Variants in LSAMP observed in about 807,000 individuals in gnomAD.
LSAMP encodes the protein limbic system associated membrane protein, also known as limbic system-associated membrane protein.
In LSAMP, 7 loss-of-function variants were observed where a neutral mutation model predicts 38.6. That is an observed-to-expected ratio of 0.18 (90% CI 0.10 to 0.34). LSAMP has a LOEUF of 0.34. Among genes scored for constraint, LSAMP ranks in the 10% least tolerant of loss-of-function variants. LSAMP has a pLI of 1.00. For synonymous variants in LSAMP, 154 were observed against 166.8 expected (o/e 0.92, Z 0.59); for missense variants, 313 against 420.0 (o/e 0.75, Z 2.23).
At chr3:116,240,812 T>C (rs1339084547) in intron 1 of LSAMP, among the ~76,000 whole-genome samples, 1 of 152,210 alleles carries the variant, frequency 6.6e-6, no homozygotes, top group Admixed American at 6.5e-5. Context: ...AAACAAATAA[T>C]AGCATTAAAT....
intron 1 of LSAMP, among the ~76,000 whole-genome samples, chr3:116,394,783 T>C (rs1454351574): frequency 1.3e-5 from 2 of 152,226 alleles, no homozygotes; most frequent in Admixed American, 1.3e-4. Context: ...TCCACATCTA[T>C]TGGTAGAAGA....
chr3:116,356,268 T>A (rs2048222447), intron 1 of LSAMP, among the ~76,000 whole-genome samples: 1 of 152,206 alleles, frequency 6.6e-6, no homozygotes, highest in African/African-American at 2.4e-5. Context: ...AAATCCTGTC[T>A]CTGTAACAAC....
rs1933647665 is a variant in LSAMP, at chr3:115,807,112, T to C, written c.*3205A>G. 1 of 152,180 alleles carries C rather than the reference T, an allele frequency of 6.6e-6. No individual in the cohort carries two copies. Among genetic ancestry groups the C allele is most frequent in the South Asian group, 2.1e-4 (1 of 4,824 alleles). The allele number at this position is 152,180 out of a possible 1,614,324, so 9.4% of individuals were successfully genotyped here. A position where few individuals can be genotyped will look rare whatever the true frequency, so the allele number is the denominator to read the frequency against. ...TTCAGTGCGGGGTTTCAAACTTTGA[T>C]TACCAAGGGACAAGATTCTTGAAGG... On this transcript the variant is annotated 3_prime_UTR_variant, in exon 7 of 7. Coordinates refer to ENST00000490035, the MANE Select transcript of LSAMP (RefSeq NM_002338.5).
intron 1 of LSAMP, among the ~76,000 whole-genome samples, chr3:116,335,257 A>G (rs1440154538): frequency 6.6e-6 from 1 of 152,090 alleles, no homozygotes; most frequent in Non-Finnish European, 1.5e-5. Context: ...ATGGATTGAA[A>G]GATTTAATAT....
At chr3:116,437,824 T>C (rs566533906) in intron 1 of LSAMP, among the ~76,000 whole-genome samples, 71 of 152,266 alleles carry the variant, frequency 4.7e-4, no homozygotes, top group African/African-American at 1.7e-3. Context: ...TTAAAATACA[T>C]GAGTTCTAAT....
chr3:116,333,779 T>G (rs1677556274), intron 1 of LSAMP, among the ~76,000 whole-genome samples: 1 of 151,900 alleles, frequency 6.6e-6, no homozygotes. Context: ...TGAGAAAATT[T>G]ATGCTACGAA....
intron 1 of LSAMP, among the ~76,000 whole-genome samples, chr3:116,375,382 A>C (rs960096701): frequency 4.6e-5 from 7 of 152,026 alleles, no homozygotes; most frequent in African/African-American, 1.7e-4. Context: ...TAGAAAATGT[A>C]TTACTAGTCA....
chr3:115,877,632 A>T (rs1936216688), intron 3 of LSAMP, among the ~76,000 whole-genome samples: 1 of 152,170 alleles, frequency 6.6e-6, no homozygotes, highest in African/African-American at 2.4e-5. Context: ...CTAGAAGCAG[A>T]GGAAAGTTTC....
rs141826125 is a variant in LSAMP at position 116,400,766 on chromosome 3, C to A, written c.155+44111G>T. Among the ~76,000 whole-genome samples the A allele has an allele frequency of 3.9e-5, 6 of 152,252 alleles. No homozygotes were observed. In the East Asian group the frequency reaches 1.2e-3, roughly 29 times the overall value. ...GTGCTGGGATTACAGCGTGAGCCAC[C>A]ACTCCCGGCCTGATCTTGTTTCTTT... On this transcript the variant is annotated intron_variant, in intron 1 of 6. Coordinates refer to ENST00000490035, the MANE Select transcript of LSAMP (RefSeq NM_002338.5).
intron 2 of LSAMP, among the ~76,000 whole-genome samples, chr3:116,021,631 A>G (rs1940640613): frequency 6.6e-6 from 1 of 152,194 alleles, no homozygotes; most frequent in African/African-American, 2.4e-5. Flanking sequence ...TTGTAGTTAC[A>G]TGTGAATTGC....
intron 1 of LSAMP, among the ~76,000 whole-genome samples, chr3:116,253,496 G>A (rs575919155): frequency 1.3e-5 from 2 of 152,176 alleles, no homozygotes; most frequent in South Asian, 4.1e-4. Context: ...CTTTGCAGAT[G>A]GTAATTCACA....
chr3:116,388,072 C>T (rs987451142), intron 1 of LSAMP, among the ~76,000 whole-genome samples: 1 of 151,932 alleles, frequency 6.6e-6, no homozygotes, highest in Non-Finnish European at 1.5e-5. Context: ...TAAGAATATA[C>T]CCACATTTGA....
At chr3:116,311,595 TAG>T (rs950061282) in intron 1 of LSAMP, among the ~76,000 whole-genome samples, 1 of 152,194 alleles carries the variant, frequency 6.6e-6, no homozygotes, top group African/African-American at 2.4e-5. Context: ...AGGTGACCTG[TAG>T]AAAGGTTTAG....
chr3:116,076,190 G>T (rs1707738183), intron 2 of LSAMP, among the ~76,000 whole-genome samples: 1 of 152,016 alleles, frequency 6.6e-6, no homozygotes, highest in African/African-American at 2.4e-5. Context: ...TGACTTGATG[G>T]TTTTTAAATA....
intron 1 of LSAMP, among the ~76,000 whole-genome samples, chr3:116,214,499 CTTTTTTTT>C (rs59630662): frequency 9.7e-6 from 1 of 103,284 alleles, no homozygotes; most frequent in Non-Finnish European, 1.9e-5. Context: ...AAAAATGGGT[CTTTTTTTT>C]TTTTTTTTTT....
At chr3:116,046,558 G>A (rs1941292643) in intron 2 of LSAMP, among the ~76,000 whole-genome samples, 2 of 152,170 alleles carry the variant, frequency 1.3e-5, no homozygotes, top group Admixed American at 6.5e-5. Context: ...GATTAGATGG[G>A]GAGCAGAGCT....
intron 2 of LSAMP, among the ~76,000 whole-genome samples, chr3:116,071,053 T>TAATA (rs369537377): frequency 0.074 from 10,259 of 138,714 alleles, 530 homozygotes; most frequent in African/African-American, 0.14. Flanking sequence ...AATAAATAAA[T>TAATA]AATAAATAAA....
rs542338761 is a variant in LSAMP, at chr3:116,303,472, CTTT to C, written c.155+141402_155+141404del. 1.1e-4 allele frequency among the ~76,000 whole-genome samples: 16 copies of C among 152,150 alleles called. No homozygotes were observed. In the South Asian group the frequency reaches 1.5e-3, roughly 14 times the overall value. ...TAATCTCAAATAATTTTTTTCTATT[CTTT>C]TTTTGGATTGAAATTCAGTGTCTAG... On this transcript the variant is annotated intron_variant, in intron 1 of 6. Transcript: ENST00000490035.
intron 3 of LSAMP, among the ~76,000 whole-genome samples, chr3:115,996,669 T>G (rs904610557): frequency 1.3e-5 from 2 of 152,162 alleles, no homozygotes; most frequent in Non-Finnish European, 2.9e-5. Flanking sequence ...AATTTTTTTC[T>G]AAGTCCATAC....
Sources: allele counts gnomAD v4.1 joint callset (sites outside exome capture counted in the v4.1 genomes callset), GRCh38; gene constraint gnomAD v4.1.1; transcripts MANE v1.5; gene names NCBI Gene and HGNC (gene_info 2026-07-23, HGNC 2026-07-21).